Variants in STAB1 observed in about 807,000 individuals in gnomAD.
STAB1 encodes the protein stabilin-1.
STAB1 carries 250 observed loss-of-function variants against 332.4 expected under a neutral mutation model. The observed-to-expected ratio is 0.75, with a 90% CI of 0.68 to 0.84. STAB1 has a LOEUF of 0.84. Ranked by LOEUF, STAB1 falls within the 40% of genes least tolerant of loss-of-function variation. The probability of loss-of-function intolerance (pLI) is 0.00; values close to 1 mark genes in which losing one functional copy is unlikely to be tolerated. For missense variants in STAB1, 3,249 were observed against 3,489.7 expected, an observed-to-expected ratio of 0.93 and a Z score of 1.74; for synonymous variants, 1,475 against 1,390.4, an observed-to-expected ratio of 1.06 and a Z score of -1.35.
rs1458156320 is a variant in STAB1, at chr3:52,516,973, TC to T, written c.4364-10del. ...CCTGCTCCTGAGGACTCTCTGGCCA[TC>T]TCCCCTTAGAGGTGGACCCCTGCGC... On this transcript the variant is annotated splice_polypyrimidine_tract_variant and intron_variant, in intron 41 of 68. Coordinates refer to ENST00000321725, the MANE Select transcript of STAB1 (RefSeq NM_015136.3). The T allele has an allele frequency of 1.9e-6, 3 of 1,610,262 alleles. No individual in the cohort carries two copies. Among genetic ancestry groups the T allele is most frequent in the Non-Finnish European group, 1.7e-6 (2 of 1,179,224 alleles).
rs1439321334 is a variant in STAB1, at chr3:52,519,357, C to G, written c.5128C>G (p.Pro1710Ala). ...ILHFIDRVLL[P>A]PEALHWEPDD... The stretch of plus-strand genomic sequence containing the variant: ...GCACTTCATTGACCGTGTCCTGCTG[C>G]CCCCCGAGGCGCTGCACTGGGAGCC... Residue 1710 changes from proline to alanine, a missense_variant, in exon 49 of 69, where the codon CCC becomes GCC. Transcript: ENST00000321725. 3.1e-6 allele frequency: 5 copies of G among 1,612,938 alleles called. No individual in the cohort carries two copies. The African/African-American group carries it at 4.0e-5, about 13-fold the overall frequency.
chr3:52,517,414 C>A lies in STAB1; in HGVS notation c.4563+21C>A, dbSNP rs778754968. On this transcript the variant is annotated intron_variant, in intron 43 of 68. Coordinates refer to ENST00000321725, the MANE Select transcript of STAB1 (RefSeq NM_015136.3). Reference sequence around the variant, plus strand: ...AGCAGGTCAGCATGGCAGGGTTGGACATGGGGCATCATGCCATGCCCTCAC... The same window carrying A: ...AGCAGGTCAGCATGGCAGGGTTGGAAATGGGGCATCATGCCATGCCCTCAC... The A allele has an allele frequency of 3.8e-6, 6 of 1,586,562 alleles. No homozygotes were observed. In the Admixed American group the frequency reaches 1.1e-4, roughly 28 times the overall value.
rs200510996 is a variant in STAB1, at chr3:52,512,967, G to A, written c.3158+9G>A. 7.6e-5 allele frequency: 122 copies of A among 1,604,602 alleles called. No homozygotes were observed. The African/African-American group carries it at 1.3e-3, about 17-fold the overall frequency. On this transcript the variant is annotated intron_variant, in intron 29 of 68. Transcript: ENST00000321725. ...CTGCCGAACCTGGTCAGGTGGGGCCGCCATTGCCAGGCTGTGGGAGGGGCT... is the reference window on the plus strand; with the variant it reads ...CTGCCGAACCTGGTCAGGTGGGGCCACCATTGCCAGGCTGTGGGAGGGGCT...
Position 52,505,100 on chromosome 3 carries a change from G to A in STAB1, c.1475G>A (p.Gly492Asp). Residue 492 changes from glycine (G) to aspartate (D), a missense_variant, in exon 13 of 69, where the codon GGC becomes GAC. Coordinates refer to ENST00000321725, the MANE Select transcript of STAB1 (RefSeq NM_015136.3). ...AATGGCGTCTTCCACGTGGTCACTG[G>A]CCTGCGGTGGCAGGCCCCCTCTGGG... ...AANGVFHVVT[G>D]LRWQAPSGTP... 1 of 1,613,526 alleles carries A rather than the reference G, an allele frequency of 6.2e-7. No homozygotes were observed. The highest frequency in any genetic ancestry group is 8.5e-7 in the Non-Finnish European group (1 of 1,179,996).
At position 52,516,409 on chromosome 3, in the gene STAB1, T is replaced by TGTGTC; in HGVS notation, c.4199_4203dup (p.Cys1402ValfsTer191). 6.2e-7 allele frequency: 1 copy of TGTGTC among 1,611,310 alleles called. No homozygotes were observed. The highest frequency in any genetic ancestry group is 8.5e-7 in the Non-Finnish European group (1 of 1,178,188). On this transcript the variant is annotated frameshift_variant, in exon 39 of 69. Coordinates refer to ENST00000321725, the MANE Select transcript of STAB1 (RefSeq NM_015136.3). LOFTEE classifies it high-confidence loss of function. ...GGAGGGGCTGCAAGGGGACGGAAGC[T>TGTGTC]GTGTCTGTAACGTGGGCTGGCAGGG... is the stretch of plus-strand genomic sequence containing the variant.
chr3:52,506,565 A>G, intron 17 of STAB1, 127 bp from the exon 18 acceptor site: 1 of 1,073,040 alleles, frequency 9.3e-7, no homozygotes, highest in South Asian at 1.7e-5. Context: ...TGGTATGGCC[A>G]GCGGGGCCTT....
intron 55 of STAB1, 62 bp from the exon 56 acceptor site, chr3:52,521,299 C>T (rs1036612385): frequency 3.7e-6 from 6 of 1,603,814 alleles, no homozygotes; most frequent in African/African-American, 1.3e-5. Context: ...GCTGGAGGTA[C>T]GTATATGGGG....
chr3:52,496,288 G>T (rs1162548729), intron 1 of STAB1, among the ~76,000 whole-genome samples: 1 of 152,228 alleles, frequency 6.6e-6, no homozygotes, highest in Non-Finnish European at 1.5e-5. Context: ...GCCTCTGGGA[G>T]CTTCTGGAAG....
chr3:52,496,466 C>T (rs946447426), intron 1 of STAB1, among the ~76,000 whole-genome samples: 7 of 152,242 alleles, frequency 4.6e-5, no homozygotes, highest in African/African-American at 1.7e-4. Context: ...GCCTAGGCCC[C>T]CTGCCACCAT....
chr3:52,500,787 C>T lies in STAB1; in HGVS notation c.79-379C>T, dbSNP rs116768072. Among the ~76,000 whole-genome samples the T allele has an allele frequency of 2.0e-3, 300 of 152,318 alleles. 1 individual carries two copies. The highest frequency in any genetic ancestry group is 5.8e-3 in the South Asian group (28 of 4,824). On this transcript the variant is annotated intron_variant, in intron 1 of 68. Coordinates refer to ENST00000321725, the MANE Select transcript of STAB1 (RefSeq NM_015136.3). Reference sequence around the variant, plus strand: ...CCTGTTCATGGATGAGATTGGGTAGCGGCCATGTCCTGGGCTTCAGTTTTC... The same window carrying T: ...CCTGTTCATGGATGAGATTGGGTAGTGGCCATGTCCTGGGCTTCAGTTTTC...
chr3:52,502,315 C>G, intron 5 of STAB1, 87 bp downstream of exon 5: 1 of 1,417,084 alleles, frequency 7.1e-7, no homozygotes, highest in East Asian at 2.4e-5. Flanking sequence ...TCCCACCTGT[C>G]CCTTCAGCCT....
chr3:52,507,718 T>C (rs1160538194), intron 19 of STAB1, 43 bp downstream of exon 19: 10 of 1,610,790 alleles, frequency 6.2e-6, no homozygotes, highest in Non-Finnish European at 8.5e-6. Flanking sequence ...CCTGACTGCC[T>C]GTTGAGGTTT....
At chr3:52,523,179 G>T (rs113616927) in intron 63 of STAB1, 43 bp from the exon 64 acceptor site, 3 of 1,612,116 alleles carry the variant, frequency 1.9e-6, no homozygotes, top group Non-Finnish European at 2.5e-6. Context: ...TGGGATCCCC[G>T]AGGAGGGAGC....
In STAB1 at chr3:52,522,598, T is replaced by A; in HGVS notation, c.6654T>A (p.Pro2218=). ...TCCACCTCCAGGCCACCAGCGGCCC[T>A]TATGGTCTGAACTTTTCGGAGGCTG... ...GVFHLQATSG[P]YGLNFSEAEA... The change falls in exon 61 of 69, where the codon CCT becomes CCA. Residue 2218 remains proline (P), a synonymous_variant. Coordinates refer to ENST00000321725, the MANE Select transcript of STAB1 (RefSeq NM_015136.3). The A allele has an allele frequency of 6.2e-7, 1 of 1,612,992 alleles. No homozygotes were observed.
intron 34 of STAB1, 70 bp downstream of exon 34, chr3:52,514,566 T>C (rs1301666739): frequency 5.9e-6 from 9 of 1,536,028 alleles, no homozygotes; most frequent in South Asian, 1.3e-5. Flanking sequence ...CCCTTTGGAG[T>C]TTCCCTAGCT....
Position 52,504,877 on chromosome 3 carries a change from G to A in STAB1, c.1377+1G>A, listed in dbSNP as rs1708729143. 1.9e-6 allele frequency: 3 copies of A among 1,613,670 alleles called. No homozygotes were observed. Among genetic ancestry groups the A allele is most frequent in the Non-Finnish European group, 2.5e-6 (3 of 1,180,026 alleles). On this transcript the variant is annotated splice_donor_variant, in intron 12 of 68. Transcript: ENST00000321725. LOFTEE classifies it high-confidence loss of function. ...CACCGTCACCTTTAACCAATTCACG[G>A]TGAGGGAGGAGCCTCAGCCTGGGGA...
Position 52,522,212 on chromosome 3 carries a change from C to T in STAB1, c.6447C>T (p.Asn2149=). ...GCGGGGGCTGCAGCGAGCACGCCAA[C>T]TGCTTGAGCACCGGCCTGGTGAGCA... is the stretch of plus-strand genomic sequence containing the variant. ...GHRGGCSEHA[N]CLSTGLNTRR... Residue 2149 remains asparagine, a synonymous_variant, in exon 59 of 69, where the codon AAC becomes AAT. Transcript: ENST00000321725. 6.2e-7 allele frequency: 1 copy of T among 1,612,648 alleles called. No homozygotes were observed. The highest frequency in any genetic ancestry group is 8.5e-7 in the Non-Finnish European group (1 of 1,179,928).
At position 52,501,269 on chromosome 3, in the gene STAB1, G is replaced by C. The variant is rs141187010; in HGVS notation, c.182G>C (p.Arg61Pro). ...KKQTCPSGWL[R>P]ELPDQITQDC... ...CAGACGTGTCCCTCAGGCTGGCTGC[G>C]GGAGCTCCCGGATCAGATAACCCAG... Residue 61 changes from arginine (R) to proline (P), a missense_variant, in exon 2 of 69, where the codon CGG becomes CCG. Coordinates refer to ENST00000321725, the MANE Select transcript of STAB1 (RefSeq NM_015136.3). 6.2e-7 allele frequency: 1 copy of C among 1,613,534 alleles called. No individual in the cohort carries two copies. Among genetic ancestry groups the C allele is most frequent in the East Asian group, 2.2e-5 (1 of 44,888 alleles).
In STAB1 at chr3:52,521,427, G is replaced by A; in HGVS notation, c.5975G>A (p.Ser1992Asn). 6.2e-7 allele frequency: 1 copy of A among 1,614,058 alleles called. No individual in the cohort carries two copies. The highest frequency in any genetic ancestry group is 8.5e-7 in the Non-Finnish European group (1 of 1,180,024). Residue 1992 changes from serine to asparagine, a missense_variant, in exon 56 of 69, where the codon AGT becomes AAT. Physicochemically the swap from Ser to Asn is conservative, Grantham distance 46. Transcript: ENST00000321725. The part of the protein sequence containing the change: ...RGVCMDGMSG[S>N]GQCLCRSGFA... ...GTGTGCATGGACGGCATGAGTGGCA[G>A]TGGGCAGTGTCTGTGCCGTTCAGGT...
Sources: gnomAD v4.1 joint callset for allele counts (sites outside exome capture counted in the v4.1 genomes callset) on GRCh38, gnomAD v4.1.1 for gene constraint, MANE v1.5 for transcripts, NCBI Gene and HGNC (gene_info 2026-07-23, HGNC 2026-07-21) for gene names.